SLC24A3: variants seen among roughly 807,000 people sequenced by gnomAD.
The protein encoded by SLC24A3 is sodium/potassium/calcium exchanger 3.
In SLC24A3, 28 loss-of-function variants were observed where a neutral mutation model predicts 75.8. That is an observed-to-expected ratio of 0.37 (90% CI 0.27 to 0.51). The LOEUF (loss-of-function observed/expected upper bound fraction) is 0.51. SLC24A3 is among the 20% of genes least tolerant of loss of function. The pLI, the probability that SLC24A3 is intolerant of heterozygous loss-of-function variation, is 0.94. For missense variants in SLC24A3, 663 were observed against 847.8 expected, an observed-to-expected ratio of 0.78 and a Z score of 2.71; for synonymous variants, 372 against 334.1, an observed-to-expected ratio of 1.11 and a Z score of -1.24.
chr20:19,433,987 G>GCACAGTCTTGGGTATGTTGC (rs1987151515), intron 2 of SLC24A3, among the ~76,000 whole-genome samples: 2 of 152,182 alleles, frequency 1.3e-5, no homozygotes, highest in African/African-American at 4.8e-5. Flanking sequence ...TATTTGAAAA[G>GCACAGTCTTGGGTATGTTGC]CACAGTCTTG....
At chr20:19,326,577 CTT>C (rs57226310) in intron 2 of SLC24A3, among the ~76,000 whole-genome samples, 4 of 138,952 alleles carry the variant, frequency 2.9e-5, no homozygotes, top group East Asian at 2.1e-4. Flanking sequence ...CTTTTCTTTT[CTT>C]TTTTTTTTTT....
chr20:19,471,367 C>A (rs1987866774), intron 2 of SLC24A3, among the ~76,000 whole-genome samples: 1 of 152,216 alleles, frequency 6.6e-6, no homozygotes, highest in African/African-American at 2.4e-5. Context: ...AATATACTAT[C>A]AAAATCAATG....
At chr20:19,680,148 GTGTC>G (rs1157099677) in intron 9 of SLC24A3, among the ~76,000 whole-genome samples, 7 of 149,294 alleles carry the variant, frequency 4.7e-5, no homozygotes, top group East Asian at 1.9e-4. Flanking sequence ...GTCTCTGTGT[GTGTC>G]TGTGTGTGTC....
At chr20:19,666,032 A>C (rs2032395418) in intron 8 of SLC24A3, 143 bp downstream of exon 8, 1 of 880,996 alleles carries the variant, frequency 1.1e-6, no homozygotes, top group Admixed American at 2.6e-5. Context: ...AACCCTCTGC[A>C]CACCTCAGGG....
rs536715006 is a variant in SLC24A3, at chr20:19,575,296, A to G, written c.349-4704A>G. On this transcript the variant is annotated intron_variant, in intron 3 of 16. Transcript: ENST00000328041. ...AAAAAAAGGCAACACCAGCTACTCCACGAACACCACCCTCCTTGGGATCCA... is the reference window on the plus strand; with the variant it reads ...AAAAAAAGGCAACACCAGCTACTCCGCGAACACCACCCTCCTTGGGATCCA... Among the ~76,000 whole-genome samples, 3 of 148,564 alleles carry G rather than the reference A, an allele frequency of 2.0e-5. No individual in the cohort carries two copies. The South Asian group carries it at 6.5e-4, about 32-fold the overall frequency.
At chr20:19,451,712 CT>C (rs1265133750) in intron 2 of SLC24A3, among the ~76,000 whole-genome samples, 2 of 152,220 alleles carry the variant, frequency 1.3e-5, no homozygotes, top group Admixed American at 1.3e-4. Flanking sequence ...CAATAAATAA[CT>C]TTCAAGTGGT....
chr20:19,647,588 A>T (rs2032154317), intron 6 of SLC24A3, among the ~76,000 whole-genome samples: 6 of 152,060 alleles, frequency 3.9e-5, no homozygotes, highest in Admixed American at 3.9e-4. Flanking sequence ...AGCAGAGCTG[A>T]CTCCCTGTGA....
intron 2 of SLC24A3, among the ~76,000 whole-genome samples, chr20:19,461,046 A>G (rs1277063620): frequency 6.6e-6 from 1 of 152,188 alleles, no homozygotes; most frequent in African/African-American, 2.4e-5. Flanking sequence ...CCCATAGCAC[A>G]TTGAGGTCTC....
At chr20:19,626,423 G>A (rs979717244) in intron 6 of SLC24A3, among the ~76,000 whole-genome samples, 6 of 152,148 alleles carry the variant, frequency 3.9e-5, no homozygotes, top group African/African-American at 1.4e-4. Flanking sequence ...TTTTCTAAAA[G>A]ACACTTATTT....
intron 1 of SLC24A3, among the ~76,000 whole-genome samples, chr20:19,217,876 G>A (rs774673838): frequency 1.3e-5 from 2 of 152,156 alleles, no homozygotes; most frequent in African/African-American, 4.8e-5. Context: ...AGATCTTCCT[G>A]AATAGACTGG....
At position 19,223,254 on chromosome 20, in the gene SLC24A3, T is replaced by C. The variant is rs373655374; in HGVS notation, c.142+10270T>C. On this transcript the variant is annotated intron_variant, in intron 1 of 16. Transcript: ENST00000328041. ...TTGCAGTGAGCTGAGATTGCACCATTGCACTCCAGCCTGGGCAACAAGAGC... is the reference window on the plus strand; with the variant it reads ...TTGCAGTGAGCTGAGATTGCACCATCGCACTCCAGCCTGGGCAACAAGAGC... Among the ~76,000 whole-genome samples the C allele has an allele frequency of 2.0e-5, 3 of 151,838 alleles. No individual in the cohort carries two copies. The East Asian group carries it at 5.8e-4, about 30-fold the overall frequency.
chr20:19,245,375 T>C lies in SLC24A3; in HGVS notation c.142+32391T>C, dbSNP rs946086916. On this transcript the variant is annotated intron_variant, in intron 1 of 16. Coordinates refer to ENST00000328041, the MANE Select transcript of SLC24A3 (RefSeq NM_020689.4). ...AAATAATAATATTCATGAATATTTA[T>C]ATAAAAAGATATTTTAAATATTTCA... Among the ~76,000 whole-genome samples, 3 of 152,222 alleles carry C rather than the reference T, an allele frequency of 2.0e-5. No homozygotes were observed. In the East Asian group the frequency reaches 5.8e-4, roughly 29 times the overall value.
In SLC24A3 at chr20:19,685,450, A is replaced by AAT; in HGVS notation, c.1324+90_1324+91dup. ...GACTTAGATTATCTTTTTACCATTC[A>AAT]ATTTTTTAAAATCTCTGTATGAACA... is the stretch of plus-strand genomic sequence containing the variant. On this transcript the variant is annotated intron_variant, in intron 12 of 16. Coordinates refer to ENST00000328041, the MANE Select transcript of SLC24A3 (RefSeq NM_020689.4). The AAT allele has an allele frequency of 3.9e-6, 6 of 1,534,420 alleles. No individual in the cohort carries two copies. In the South Asian group the frequency reaches 7.7e-5, roughly 20 times the overall value.
chr20:19,469,954 C>T (rs1208253633), intron 2 of SLC24A3, among the ~76,000 whole-genome samples: 3 of 152,146 alleles, frequency 2.0e-5, no homozygotes, highest in Non-Finnish European at 4.4e-5. Flanking sequence ...AGGGAGTCTG[C>T]CCACATAGAC....
rs1189094196 is a variant in SLC24A3 at position 19,673,636 on chromosome 20, T to C, written c.749T>C (p.Ile250Thr). 3.1e-6 allele frequency: 5 copies of C among 1,613,970 alleles called. No homozygotes were observed. The highest frequency in any genetic ancestry group is 2.2e-5 in the East Asian group (1 of 44,900). The change falls in exon 9 of 17, where the codon ATC (isoleucine) becomes ACC (threonine). Residue 250 changes from isoleucine (I) to threonine (T), a missense_variant. By Grantham distance (89) the Ile-to-Thr change is moderately conservative. This residue lies in a region of SLC24A3 where 510 missense variants were observed against 703.6 expected (regional missense o/e 0.72). Transcript: ENST00000328041. Reference protein sequence around the residue: ...ESLVLVLMYLIYIVIMKYNAC... With the variant: ...ESLVLVLMYLTYIVIMKYNAC... ...TTAGTCCTTGTGCTGATGTATCTTA[T>C]CTACATTGTCATCATGAAGTAAGTA...
At chr20:19,523,366 T>C in intron 3 of SLC24A3, among the ~76,000 whole-genome samples, 1 of 152,236 alleles carries the variant, frequency 6.6e-6, no homozygotes. Flanking sequence ...TGGAATTTGC[T>C]GTTTACTCTT....
At chr20:19,711,261 A>G (rs1209273387) in intron 15 of SLC24A3, among the ~76,000 whole-genome samples, 4 of 151,596 alleles carry the variant, frequency 2.6e-5, no homozygotes, top group Non-Finnish European at 5.9e-5. Flanking sequence ...GCACACACAC[A>G]TGCACACATG....
intron 2 of SLC24A3, among the ~76,000 whole-genome samples, chr20:19,487,988 G>A (rs1021495691): frequency 6.6e-6 from 1 of 152,188 alleles, no homozygotes; most frequent in African/African-American, 2.4e-5. Flanking sequence ...TGGCCAAATT[G>A]AAAGATGTGT....
chr20:19,576,934 A>G (rs1400260075), intron 3 of SLC24A3, among the ~76,000 whole-genome samples: 1 of 152,232 alleles, frequency 6.6e-6, no homozygotes, highest in African/African-American at 2.4e-5. Flanking sequence ...TAAAACCTGC[A>G]TATCATTGGA....
Sources: allele counts gnomAD v4.1 joint callset (sites outside exome capture counted in the v4.1 genomes callset), GRCh38; gene constraint gnomAD v4.1.1; regional missense constraint gnomAD v4.1.1; transcripts MANE v1.5; gene names NCBI Gene and HGNC (gene_info 2026-07-23, HGNC 2026-07-21).